Variants in CEP128 observed in about 807,000 individuals in gnomAD.
The protein encoded by CEP128 is centrosomal protein 128.
A neutral mutation model predicts 156.7 loss-of-function variants in CEP128; 132 were observed. That is an observed-to-expected ratio of 0.84 (90% CI 0.73 to 0.97). The LOEUF (loss-of-function observed/expected upper bound fraction) is 0.97. CEP128 is among the 50% of genes least tolerant of loss of function. The pLI is 0.00. For synonymous variants in CEP128, 469 were observed against 448.9 expected, an observed-to-expected ratio of 1.04 and a Z score of -0.57; for missense variants, 1,252 against 1,281.9, an observed-to-expected ratio of 0.98 and a Z score of 0.36.
chr14:80,924,826 G>A (rs1487607849), intron 2 of CEP128, among the ~76,000 whole-genome samples: 1 of 152,044 alleles, frequency 6.6e-6, no homozygotes, highest in Non-Finnish European at 1.5e-5. Context: ...AGGATCCTGA[G>A]TGGGGAGTGA....
At chr14:80,627,245 G>A (rs1268795858) in intron 19 of CEP128, among the ~76,000 whole-genome samples, 38 of 152,196 alleles carry the variant, frequency 2.5e-4, no homozygotes, top group Admixed American at 2.5e-3. Context: ...AGTTAATGGT[G>A]AGGACAATTA....
chr14:80,831,338 C>T (rs761184443), intron 12 of CEP128, 44 bp from the exon 13 acceptor site: 12 of 1,594,862 alleles, frequency 7.5e-6, no homozygotes, highest in Non-Finnish European at 1.0e-5. Flanking sequence ...TCTTTATTCA[C>T]AGAAGAATGT....
At chr14:80,956,008 T>A in intron 2 of CEP128, 1 of 858,864 alleles carries the variant, frequency 1.2e-6, no homozygotes, top group Non-Finnish European at 1.9e-6. Flanking sequence ...GTGTGTGTGC[T>A]AAAAACTTAA....
At chr14:80,838,873 A>G (rs767055060) in intron 10 of CEP128, among the ~76,000 whole-genome samples, 14 of 152,120 alleles carry the variant, frequency 9.2e-5, no homozygotes, top group Non-Finnish European at 1.9e-4. Context: ...TATCGATAAA[A>G]AATGTGACCA....
Position 80,840,713 on chromosome 14 carries a change from T to C in CEP128, c.818A>G (p.Lys273Arg). The C allele has an allele frequency of 6.2e-7, 1 of 1,611,004 alleles. No individual in the cohort carries two copies. The highest frequency in any genetic ancestry group is 1.1e-5 in the South Asian group (1 of 90,794). The change falls in exon 10 of 25, where the codon AAG (lysine) becomes AGG (arginine). Residue 273 changes from lysine (K) to arginine (R), a missense_variant. Coordinates refer to ENST00000555265, the MANE Select transcript of CEP128 (RefSeq NM_152446.5). The stretch of plus-strand genomic sequence containing the variant: ...CTTCTCAGTTTCAGTTTGTCTTAGC[T>C]TATTTTTTATTGCCCCCTCATGCTC... Reference protein sequence around the residue: ...ADEHEGAIKNKLRQTETEKNQ... With the variant: ...ADEHEGAIKNRLRQTETEKNQ...
At position 80,862,830 on chromosome 14, in the gene CEP128, T is replaced by C. The variant is rs774197068; in HGVS notation, c.689A>G (p.Glu230Gly). Residue 230 changes from glutamate (E) to glycine (G), a missense_variant, in exon 9 of 25, where the codon GAG (glutamate) becomes GGG (glycine). Glu to Gly is a moderately conservative substitution (Grantham distance 98, BLOSUM62 -2). Coordinates refer to ENST00000555265, the MANE Select transcript of CEP128 (RefSeq NM_152446.5). ...VERRLQELEREMRTERELVER... is the reference protein window; with the variant it reads ...VERRLQELERGMRTERELVER... ...CACCAGCTCCCTTTCTGTGCGCATCTCTCTCTCCAGTTCCTGAAGCCGCCG... is the reference window on the plus strand; with the variant it reads ...CACCAGCTCCCTTTCTGTGCGCATCCCTCTCTCCAGTTCCTGAAGCCGCCG... 6.2e-7 allele frequency: 1 copy of C among 1,613,988 alleles called. No individual in the cohort carries two copies. Among genetic ancestry groups the C allele is most frequent in the Non-Finnish European group, 8.5e-7 (1 of 1,179,944 alleles).
intron 23 of CEP128, among the ~76,000 whole-genome samples, chr14:80,521,312 T>C (rs1002799391): frequency 4.6e-5 from 7 of 152,186 alleles, no homozygotes; most frequent in Non-Finnish European, 5.9e-5. Context: ...CTTTCTTTTC[T>C]TAATATTCTT....
chr14:80,539,008 C>A lies in CEP128; in HGVS notation c.2881-8122G>T, dbSNP rs369537116. Among the ~76,000 whole-genome samples the A allele has an allele frequency of 1.6e-4, 24 of 152,260 alleles. No individual in the cohort carries two copies. The South Asian group carries it at 5.0e-3, about 32-fold the overall frequency. ...CCCAGCATTCCACCAAAGTGCCTGA[C>A]CCAGGAGAGCTATTCAGCAAATACT... is the stretch of plus-strand genomic sequence containing the variant. On this transcript the variant is annotated intron_variant, in intron 21 of 24. Coordinates refer to ENST00000555265, the MANE Select transcript of CEP128 (RefSeq NM_152446.5).
intron 21 of CEP128, among the ~76,000 whole-genome samples, chr14:80,540,931 A>G (rs1304026043): frequency 6.6e-6 from 1 of 152,190 alleles, no homozygotes; most frequent in Non-Finnish European, 1.5e-5. Context: ...TCACCCCAAG[A>G]GCATGCATTT....
intron 21 of CEP128, among the ~76,000 whole-genome samples, chr14:80,533,301 TA>T (rs1889315955): frequency 6.6e-6 from 1 of 152,152 alleles, no homozygotes; most frequent in African/African-American, 2.4e-5. Context: ...CACACTCCAA[TA>T]ATATCTGTAG....
At chr14:80,865,871 G>A (rs1470876554) in intron 8 of CEP128, among the ~76,000 whole-genome samples, 1 of 152,074 alleles carries the variant, frequency 6.6e-6, no homozygotes, top group Non-Finnish European at 1.5e-5. Flanking sequence ...TCCTGACAAT[G>A]GCTTGTCATT....
At chr14:80,693,712 A>T (rs1406171395) in intron 19 of CEP128, among the ~76,000 whole-genome samples, 1 of 152,190 alleles carries the variant, frequency 6.6e-6, no homozygotes, top group African/African-American at 2.4e-5. Flanking sequence ...GGATGTGTTT[A>T]AGTGTATCTA....
At chr14:80,710,030 C>T (rs1327451429) in intron 19 of CEP128, among the ~76,000 whole-genome samples, 4 of 150,488 alleles carry the variant, frequency 2.7e-5, no homozygotes, top group Non-Finnish European at 4.4e-5. Flanking sequence ...TGTTTTGTAC[C>T]CTGTTTTTGT....
chr14:80,526,852 T>G lies in CEP128; in HGVS notation c.3072+17A>C. On this transcript the variant is annotated intron_variant, in intron 23 of 24. Transcript: ENST00000555265. ...GGATACTACTTAAAGACTAAAAAAGTATATAAAGAAAATTACTTTGAAACT... is the reference window on the plus strand; with the variant it reads ...GGATACTACTTAAAGACTAAAAAAGGATATAAAGAAAATTACTTTGAAACT... 7.1e-7 allele frequency: 1 copy of G among 1,415,044 alleles called. No individual in the cohort carries two copies. The highest frequency in any genetic ancestry group is 1.0e-6 in the Non-Finnish European group (1 of 1,003,622). 87.7% of individuals were successfully genotyped at this position (1,415,044 alleles called of 1,614,324 possible).
intron 8 of CEP128, among the ~76,000 whole-genome samples, chr14:80,888,135 T>G (rs1177790107): frequency 6.6e-6 from 1 of 152,044 alleles, no homozygotes; most frequent in East Asian, 1.9e-4. Flanking sequence ...AAGCAGTAAT[T>G]AATAGCCTAC....
At chr14:80,892,403 A>G (rs879870616) in intron 8 of CEP128, among the ~76,000 whole-genome samples, 4 of 152,038 alleles carry the variant, frequency 2.6e-5, no homozygotes, top group Non-Finnish European at 5.9e-5. Flanking sequence ...ATAAGTTCAA[A>G]ATGGATAAAA....
intron 8 of CEP128, among the ~76,000 whole-genome samples, chr14:80,890,676 T>C (rs529265460): frequency 6.6e-6 from 1 of 151,904 alleles, no homozygotes; most frequent in African/African-American, 2.4e-5. Context: ...ACCTAATGCA[T>C]GCGGGGCTTA....
chr14:80,790,015 G>C (rs958887217), intron 14 of CEP128, among the ~76,000 whole-genome samples: 5 of 151,864 alleles, frequency 3.3e-5, no homozygotes, highest in African/African-American at 1.2e-4. Context: ...ATATACTTTG[G>C]CACTGATCCT....
chr14:80,536,702 A>G (rs1889499582), intron 21 of CEP128, among the ~76,000 whole-genome samples: 1 of 152,192 alleles, frequency 6.6e-6, no homozygotes, highest in Admixed American at 6.5e-5. Context: ...TCCAAACTGT[A>G]TAAGACACTC....
Sources: gnomAD v4.1 joint callset for allele counts (sites outside exome capture counted in the v4.1 genomes callset) on GRCh38, gnomAD v4.1.1 for gene constraint, MANE v1.5 for transcripts, NCBI Gene and HGNC (gene_info 2026-07-23, HGNC 2026-07-21) for gene names.